GPR26: variants seen among roughly 807,000 people sequenced by gnomAD.
GPR26 encodes G protein-coupled receptor 26.
GPR26 carries 15 observed loss-of-function variants against 23.1 expected under a neutral mutation model. That is an observed-to-expected ratio of 0.65 (90% CI 0.43 to 1.00). The LOEUF is 1.00. Among genes scored for constraint, GPR26 ranks in the 50% least tolerant of loss-of-function variants. The pLI, the probability that GPR26 is intolerant of heterozygous loss-of-function variation, is 0.00. For missense variants in GPR26, 359 were observed against 470.5 expected (o/e 0.76, Z 2.19); for synonymous variants, 228 against 222.1 (o/e 1.03, Z -0.24).
intron 2 of GPR26, among the ~76,000 whole-genome samples, chr10:123,680,830 G>A (rs1357265822): frequency 8.3e-6 from 1 of 120,392 alleles, no homozygotes; most frequent in Non-Finnish European, 1.8e-5. Context: ...GTTTTTTTGG[G>A]GGGGGGGGTT....
At position 123,689,579 on chromosome 10, in the gene GPR26, T is replaced by C. The variant is rs888698893; in HGVS notation, c.*1419T>C. On this transcript the variant is annotated 3_prime_UTR_variant, in exon 3 of 3. Transcript: ENST00000284674. ...CCAGGGTGGGAAGCACGGGGAGCAA[T>C]GGAATCAGATGGCTCATTCTCTCCT... 3.9e-5 allele frequency: 6 copies of C among 152,136 alleles called. No individual in the cohort carries two copies. The highest frequency in any genetic ancestry group is 7.3e-5 in the Non-Finnish European group (5 of 68,028). The allele number at this position is 152,136 out of a possible 1,614,324, so 9.4% of individuals were successfully genotyped here.
At chr10:123,678,204 G>A (rs11248640) in intron 2 of GPR26, among the ~76,000 whole-genome samples, 53,557 of 152,062 alleles carry the variant, frequency 0.35, 9,633 homozygotes, top group Non-Finnish European at 0.37. Context: ...GAACATTTCA[G>A]GTGACACCCG....
In GPR26 at chr10:123,674,435, G is replaced by A. The variant is rs184006083; in HGVS notation, c.669-383G>A. ...TGAATGATATGAGCAATAATAAGAG[G>A]TAATGTTTAATGTTTCTTTGTACTG... On this transcript the variant is annotated intron_variant, in intron 1 of 2. Coordinates refer to ENST00000284674, the MANE Select transcript of GPR26 (RefSeq NM_153442.4). The surrounding 1 kb of genome is among the most constrained non-coding windows in gnomAD (Gnocchi z 4.1). Among the ~76,000 whole-genome samples the A allele has an allele frequency of 5.3e-4, 81 of 152,328 alleles. No individual in the cohort carries two copies. Among genetic ancestry groups the A allele is most frequent in the African/African-American group, 1.9e-3 (79 of 41,586 alleles).
intron 2 of GPR26, among the ~76,000 whole-genome samples, chr10:123,678,265 C>G (rs1198397589): frequency 6.6e-6 from 1 of 152,188 alleles, no homozygotes; most frequent in African/African-American, 2.4e-5. Context: ...TCAGGGAAGT[C>G]AGGGGTGTGA....
rs1332861523 is a variant in GPR26 at position 123,689,633 on chromosome 10, G to A, written c.*1473G>A. Reference sequence around the variant, plus strand: ...AGCTCTTTACATCCTAACTTTGGAGGTATAGAAGGAAGGATGTGGTCCAAC... The same window carrying A: ...AGCTCTTTACATCCTAACTTTGGAGATATAGAAGGAAGGATGTGGTCCAAC... On this transcript the variant is annotated 3_prime_UTR_variant, in exon 3 of 3. Coordinates refer to ENST00000284674, the MANE Select transcript of GPR26 (RefSeq NM_153442.4). 1 of 152,200 alleles carries A rather than the reference G, an allele frequency of 6.6e-6. No homozygotes were observed. Among genetic ancestry groups the A allele is most frequent in the African/African-American group, 2.4e-5 (1 of 41,442 alleles). 9.4% of individuals were successfully genotyped at this position (152,200 alleles called of 1,614,324 possible).
In GPR26 at chr10:123,690,671, A is replaced by C. The variant is rs1306581163; in HGVS notation, c.*2511A>C. 1 of 152,244 alleles carries C rather than the reference A, an allele frequency of 6.6e-6. No homozygotes were observed. The highest frequency in any genetic ancestry group is 1.5e-5 in the Non-Finnish European group (1 of 68,048). The allele number at this position is 152,244 out of a possible 1,614,324, so 9.4% of individuals were successfully genotyped here. A position where few individuals can be genotyped will look rare whatever the true frequency, so the allele number is the denominator to read the frequency against. ...GGACACATGAATTAAATCCCAAGGGAAAGTGAGAAGAAAATTAATGTATTA... is the reference window on the plus strand; with the variant it reads ...GGACACATGAATTAAATCCCAAGGGCAAGTGAGAAGAAAATTAATGTATTA... On this transcript the variant is annotated 3_prime_UTR_variant, in exon 3 of 3. Coordinates refer to ENST00000284674, the MANE Select transcript of GPR26 (RefSeq NM_153442.4).
chr10:123,695,356 T>G lies in GPR26; in HGVS notation c.*7196T>G, dbSNP rs1346740015. Reference sequence around the variant, plus strand: ...TCATGCATGCTCAGCATGTCACTGTTGTACTCATTCCCTGGCACGGAAGAA... The same window carrying G: ...TCATGCATGCTCAGCATGTCACTGTGGTACTCATTCCCTGGCACGGAAGAA... On this transcript the variant is annotated 3_prime_UTR_variant, in exon 3 of 3. Coordinates refer to ENST00000284674, the MANE Select transcript of GPR26 (RefSeq NM_153442.4). Among the ~76,000 whole-genome samples the G allele has an allele frequency of 1.3e-5, 2 of 152,222 alleles. No homozygotes were observed. Among genetic ancestry groups the G allele is most frequent in the Non-Finnish European group, 2.9e-5 (2 of 68,048 alleles).
Position 123,692,211 on chromosome 10 carries a change from A to C in GPR26, c.*4051A>C, listed in dbSNP as rs1281798778. 1 of 152,252 alleles carries C rather than the reference A, an allele frequency of 6.6e-6. No individual in the cohort carries two copies. Among genetic ancestry groups the C allele is most frequent in the African/African-American group, 2.4e-5 (1 of 41,470 alleles). The allele number at this position is 152,252 out of a possible 1,614,324, so 9.4% of individuals were successfully genotyped here. ...GCCAGGAAGCCTTGTTAGAGGAAGG[A>C]ACTCTGGCATTCAGAGGTGTCCCCT... On this transcript the variant is annotated 3_prime_UTR_variant, in exon 3 of 3. Coordinates refer to ENST00000284674, the MANE Select transcript of GPR26 (RefSeq NM_153442.4).
At chr10:123,673,381 T>C (rs1412548383) in intron 1 of GPR26, among the ~76,000 whole-genome samples, 3 of 152,190 alleles carry the variant, frequency 2.0e-5, no homozygotes, top group Admixed American at 2.0e-4. Flanking sequence ...TCTCCACTGC[T>C]TGCATTTTTT....
chr10:123,696,421 G>A lies in GPR26; in HGVS notation c.*8261G>A, dbSNP rs147836450. 1.9e-3 allele frequency among the ~76,000 whole-genome samples: 291 copies of A among 152,236 alleles called. 4 individuals carry two copies. The highest frequency in any genetic ancestry group is 6.7e-3 in the African/African-American group (279 of 41,510). On this transcript the variant is annotated 3_prime_UTR_variant, in exon 3 of 3. Transcript: ENST00000284674. The stretch of plus-strand genomic sequence containing the variant: ...TTTTTTCATGTCTGTGAAAAGTGGG[G>A]TGGGGAACTCACACCAACCATAGCT...
At chr10:123,671,605 C>A (rs1484252570) in intron 1 of GPR26, among the ~76,000 whole-genome samples, 2 of 152,186 alleles carry the variant, frequency 1.3e-5, no homozygotes, top group Non-Finnish European at 2.9e-5. Flanking sequence ...GAGCTTTGAA[C>A]CTCACACGCT....
chr10:123,673,348 A>T (rs943617773), intron 1 of GPR26, among the ~76,000 whole-genome samples: 1 of 152,228 alleles, frequency 6.6e-6, no homozygotes, highest in Non-Finnish European at 1.5e-5. Flanking sequence ...AGCGATGTAC[A>T]TGAACCTGGC....
In GPR26 at chr10:123,666,753, G is replaced by A. The variant is rs772091213; in HGVS notation, c.346G>A (p.Ala116Thr). 5.0e-6 allele frequency: 8 copies of A among 1,599,754 alleles called. No individual in the cohort carries two copies. The highest frequency in any genetic ancestry group is 2.2e-5 in the South Asian group (2 of 89,896). Residue 116 changes from alanine (A) to threonine (T), a missense_variant, in exon 1 of 3, where the codon GCC (alanine) becomes ACC (threonine). Transcript: ENST00000284674. ...CGTGGTCTTCCCGCTGAGCTACCGG[G>A]CCAAGATGCGCCTCCGCGACGCGGC... ...VAVVFPLSYR[A>T]KMRLRDAALM...
At chr10:123,681,719 T>C (rs1238656251) in intron 2 of GPR26, among the ~76,000 whole-genome samples, 1 of 152,216 alleles carries the variant, frequency 6.6e-6, no homozygotes, top group Non-Finnish European at 1.5e-5. Flanking sequence ...CTTTCTCAGA[T>C]AGGAAAGCAT....
In GPR26 at chr10:123,684,198, T is replaced by C. The variant is rs774372448; in HGVS notation, c.783-3731T>C. 2.4e-4 allele frequency among the ~76,000 whole-genome samples: 36 copies of C among 152,262 alleles called. 1 individual carries two copies. The highest frequency in any genetic ancestry group is 1.0e-3 in the South Asian group (5 of 4,822). ...ACACGGAAAGTCATCTTGTGCTCAG[T>C]GGAAGGTCTGGGCAGGTGGCAGGCA... On this transcript the variant is annotated intron_variant, in intron 2 of 2. Coordinates refer to ENST00000284674, the MANE Select transcript of GPR26 (RefSeq NM_153442.4).
rs1845455248 is a variant in GPR26, at chr10:123,688,498, A to T, written c.*338A>T. 1 of 326,844 alleles carries T rather than the reference A, an allele frequency of 3.1e-6. No individual in the cohort carries two copies. The allele number at this position is 326,844 out of a possible 1,614,324, so 20.2% of individuals were successfully genotyped here. On this transcript the variant is annotated 3_prime_UTR_variant, in exon 3 of 3. Transcript: ENST00000284674. ...ATGCAGAGAGCTGGTGGTAGGTGGG[A>T]AGCATGGTGTCCACCTGCCTGCTGA...
chr10:123,673,199 C>T (rs1845270111), intron 1 of GPR26, among the ~76,000 whole-genome samples: 1 of 152,166 alleles, frequency 6.6e-6, no homozygotes, highest in Non-Finnish European at 1.5e-5. Flanking sequence ...GGGGAAAAAT[C>T]TTGGAAGAAT....
Position 123,693,182 on chromosome 10 carries a change from T to A in GPR26, c.*5022T>A, listed in dbSNP as rs924316141. 6.6e-6 allele frequency: 1 copy of A among 152,244 alleles called. No homozygotes were observed. The highest frequency in any genetic ancestry group is 1.5e-5 in the Non-Finnish European group (1 of 68,050). The allele number at this position is 152,244 out of a possible 1,614,324, so 9.4% of individuals were successfully genotyped here. ...TTCTCCAGACTCCTTTTACTTTGTA[T>A]GTGTTTCTAGGGGAATTCTGAGGGA... On this transcript the variant is annotated 3_prime_UTR_variant, in exon 3 of 3. Transcript: ENST00000284674.
chr10:123,683,034 G>A (rs11814024), intron 2 of GPR26, among the ~76,000 whole-genome samples: 4,037 of 22,250 alleles, frequency 0.18, 162 homozygotes, highest in African/African-American at 0.34. Context: ...ATGTGTTTAC[G>A]TGTGTGTGTG....
Sources: allele counts gnomAD v4.1 joint callset (sites outside exome capture counted in the v4.1 genomes callset), GRCh38; gene constraint gnomAD v4.1.1; non-coding constraint Gnocchi (gnomAD v3.1); transcripts MANE v1.5; gene names NCBI Gene and HGNC (gene_info 2026-07-23, HGNC 2026-07-21).